Variants in SETD7 observed in about 807,000 individuals in gnomAD.
SETD7 encodes the protein histone-lysine N-methyltransferase SETD7.
SETD7 carries 16 observed loss-of-function variants against 41.8 expected under a neutral mutation model. The ratio of observed to expected loss-of-function variants is 0.38; its 90% CI spans 0.26 to 0.58. The LOEUF is 0.58. Among genes scored for constraint, SETD7 ranks in the 20% least tolerant of loss-of-function variants. The probability of loss-of-function intolerance (pLI) is 0.64; values close to 1 mark genes in which losing one functional copy is unlikely to be tolerated. For missense variants in SETD7, 346 were observed against 459.7 expected, an observed-to-expected ratio of 0.75 and a Z score of 2.26; for synonymous variants, 163 against 169.7, an observed-to-expected ratio of 0.96 and a Z score of 0.31.
rs575122347 is a variant in SETD7, at chr4:139,517,338, G to A, written c.920+547C>T. Among the ~76,000 whole-genome samples the A allele has an allele frequency of 1.4e-4, 22 of 152,192 alleles. 1 individual carries two copies. The highest frequency in any genetic ancestry group is 1.2e-3 in the South Asian group (6 of 4,818). The stretch of plus-strand genomic sequence containing the variant: ...AAAAATACAAAATTTAGCTGGGTGC[G>A]GTGGCGCATGCCTGTAATCCCAGCT... On this transcript the variant is annotated intron_variant, in intron 7 of 7. Transcript: ENST00000274031.
intron 4 of SETD7, among the ~76,000 whole-genome samples, chr4:139,525,759 A>AC (rs1441922794): frequency 6.6e-6 from 1 of 152,118 alleles, no homozygotes. Flanking sequence ...AGGACCCTGT[A>AC]CCCCCTAACC....
chr4:139,497,230 G>A (rs1224300327), intron 7 of SETD7, among the ~76,000 whole-genome samples: 2 of 152,220 alleles, frequency 1.3e-5, no homozygotes, highest in East Asian at 1.9e-4. Flanking sequence ...CGAGGTGGGC[G>A]AATCACCCAA....
chr4:139,496,769 GA>G (rs1277535805), intron 7 of SETD7, among the ~76,000 whole-genome samples: 1 of 152,164 alleles, frequency 6.6e-6, no homozygotes, highest in African/African-American at 2.4e-5. Context: ...TGCATGAACT[GA>G]AATAGCTATT....
chr4:139,535,862 C>T (rs1174010101), intron 2 of SETD7, among the ~76,000 whole-genome samples: 1 of 152,130 alleles, frequency 6.6e-6, no homozygotes, highest in Non-Finnish European at 1.5e-5. Context: ...AAACTGGGTT[C>T]TCCAGGGTGA....
At chr4:139,545,596 T>C (rs1462889097) in intron 2 of SETD7, among the ~76,000 whole-genome samples, 1 of 152,232 alleles carries the variant, frequency 6.6e-6, no homozygotes, top group African/African-American at 2.4e-5. Flanking sequence ...ATAATTAAAA[T>C]GAAATTTTAC....
In SETD7 at chr4:139,511,174, C is replaced by T. The variant is rs1726860193; in HGVS notation, c.*489G>A. 1 of 158,286 alleles carries T rather than the reference C, an allele frequency of 6.3e-6. No individual in the cohort carries two copies. The highest frequency in any genetic ancestry group is 1.4e-5 in the Non-Finnish European group (1 of 72,506). The allele number at this position is 158,286 out of a possible 1,614,324, so 9.8% of individuals were successfully genotyped here. Reference sequence around the variant, plus strand: ...ACCAAAGCCATTCTATTGCAAGATACAGATCAAAGGTTAAAAGGCAAATTA... The same window carrying T: ...ACCAAAGCCATTCTATTGCAAGATATAGATCAAAGGTTAAAAGGCAAATTA... On this transcript the variant is annotated 3_prime_UTR_variant, in exon 8 of 8. Coordinates refer to ENST00000274031, the MANE Select transcript of SETD7 (RefSeq NM_030648.4).
chr4:139,519,933 C>A (rs1265479203), intron 6 of SETD7, among the ~76,000 whole-genome samples: 1 of 152,146 alleles, frequency 6.6e-6, no homozygotes, highest in African/African-American at 2.4e-5. Flanking sequence ...GGCTTTTGCA[C>A]AAGAAGATGT....
At position 139,510,338 on chromosome 4, in the gene SETD7, A is replaced by G. The variant is rs1028194509; in HGVS notation, c.*1325T>C. 1 of 152,248 alleles carries G rather than the reference A, an allele frequency of 6.6e-6. No individual in the cohort carries two copies. Among genetic ancestry groups the G allele is most frequent in the Admixed American group, 6.5e-5 (1 of 15,284 alleles). The allele number at this position is 152,248 out of a possible 1,614,324, so 9.4% of individuals were successfully genotyped here. A position where few individuals can be genotyped will look rare whatever the true frequency, so the allele number is the denominator to read the frequency against. ...CATGTGGTGAGGGTGCTTATAAAAA[A>G]CAAAACTCTCAGGATTCATTCAGAG... On this transcript the variant is annotated 3_prime_UTR_variant, in exon 8 of 8. Transcript: ENST00000274031.
intron 1 of SETD7, among the ~76,000 whole-genome samples, chr4:139,552,874 A>T (rs1728149764): frequency 6.6e-6 from 1 of 152,238 alleles, no homozygotes; most frequent in Admixed American, 6.5e-5. Flanking sequence ...AAATCATATT[A>T]GAGACCACAT....
At chr4:139,498,109 A>C (rs1328457864) in intron 7 of SETD7, among the ~76,000 whole-genome samples, 1 of 152,200 alleles carries the variant, frequency 6.6e-6, no homozygotes, top group Non-Finnish European at 1.5e-5. Flanking sequence ...GCTCAGATCA[A>C]AAACTGCGGA....
At position 139,518,381 on chromosome 4, in the gene SETD7, G is replaced by A. The variant is rs546346303; in HGVS notation, c.763-339C>T. ...TGACCTCAGATGATCTGCCCACCTT[G>A]GCCTCCCAAAGTGTTGGGATTACAG... is the stretch of plus-strand genomic sequence containing the variant. On this transcript the variant is annotated intron_variant, in intron 6 of 7. Coordinates refer to ENST00000274031, the MANE Select transcript of SETD7 (RefSeq NM_030648.4). Among the ~76,000 whole-genome samples the A allele has an allele frequency of 2.6e-5, 4 of 152,150 alleles. No homozygotes were observed. In the South Asian group the frequency reaches 8.3e-4, roughly 32 times the overall value.
At chr4:139,505,032 A>G (rs1429999341), downstream of SETD7, among the ~76,000 whole-genome samples, 1 of 152,170 alleles carries the variant, frequency 6.6e-6, no homozygotes, top group Non-Finnish European at 1.5e-5. Context: ...AGCTGATCCA[A>G]CATCAGTTTG....
At chr4:139,512,310 GA>G (rs979117508) in intron 7 of SETD7, among the ~76,000 whole-genome samples, 1 of 152,194 alleles carries the variant, frequency 6.6e-6, no homozygotes, top group Non-Finnish European at 1.5e-5. Context: ...GGAGTTGTAA[GA>G]AAGAGCCCTG....
intron 6 of SETD7, among the ~76,000 whole-genome samples, chr4:139,518,514 T>A (rs538833140): frequency 6.6e-6 from 1 of 152,190 alleles, no homozygotes; most frequent in South Asian, 2.1e-4. Flanking sequence ...GCAAATGACA[T>A]GTGTGGTCAG....
chr4:139,519,767 G>C (rs1314686917), intron 6 of SETD7, among the ~76,000 whole-genome samples: 1 of 152,190 alleles, frequency 6.6e-6, no homozygotes, highest in Non-Finnish European at 1.5e-5. Context: ...TAACTGTAAA[G>C]TGAAGAAACA....
At chr4:139,514,297 A>G (rs1726960548) in intron 7 of SETD7, among the ~76,000 whole-genome samples, 1 of 152,112 alleles carries the variant, frequency 6.6e-6, no homozygotes, top group African/African-American at 2.4e-5. Flanking sequence ...AAAAAATTAA[A>G]GTAAATTAAC....
At chr4:139,527,705 A>C (rs1181589809) in intron 4 of SETD7, among the ~76,000 whole-genome samples, 2 of 152,246 alleles carry the variant, frequency 1.3e-5, no homozygotes, top group Non-Finnish European at 2.9e-5. Flanking sequence ...CTTACAGTGC[A>C]TGGTACATTT....
At chr4:139,543,908 G>A (rs1727851889) in intron 2 of SETD7, among the ~76,000 whole-genome samples, 1 of 152,032 alleles carries the variant, frequency 6.6e-6, no homozygotes, top group Non-Finnish European at 1.5e-5. Flanking sequence ...AGCTTGCAGT[G>A]AGCCGAGATC....
intron 2 of SETD7, among the ~76,000 whole-genome samples, chr4:139,535,339 T>A (rs1727608389): frequency 6.6e-6 from 1 of 152,238 alleles, no homozygotes; most frequent in African/African-American, 2.4e-5. Flanking sequence ...TATACTTACT[T>A]TTTTTGTTGA....
Sources: gnomAD v4.1 joint callset for allele counts (sites outside exome capture counted in the v4.1 genomes callset) on GRCh38, gnomAD v4.1.1 for gene constraint, MANE v1.5 for transcripts, NCBI Gene and HGNC (gene_info 2026-07-23, HGNC 2026-07-21) for gene names.